UPRT: variants seen among roughly 807,000 people sequenced by gnomAD.
UPRT encodes uracil phosphoribosyltransferase homolog, also known as RP11-311P8.3.
Under a neutral mutation model 22.6 loss-of-function variants are expected in UPRT, and 5 were observed. The ratio of observed to expected loss-of-function variants is 0.22; its 90% CI spans 0.12 to 0.47. The LOEUF (loss-of-function observed/expected upper bound fraction) is 0.47, where lower values mean the gene tolerates loss of function less well. Among genes scored for constraint, UPRT ranks in the 20% least tolerant of loss-of-function variants. UPRT has a pLI of 0.99. For missense variants in UPRT, 181 were observed against 239.9 expected, an observed-to-expected ratio of 0.75 and a Z score of 1.62; for synonymous variants, 77 against 87.7, an observed-to-expected ratio of 0.88 and a Z score of 0.68.
chrX:75,181,703 G>A (rs558078463), intron 4 of UPRT, among the ~76,000 whole-genome samples: 6 of 111,922 alleles, frequency 5.4e-5, no homozygotes, highest in Middle Eastern at 9.2e-3. Flanking sequence ...TTTGTATCAC[G>A]AAACTTTGCT....
intron 3 of UPRT, among the ~76,000 whole-genome samples, chrX:75,165,336 C>G (rs1464963792): frequency 8.9e-6 from 1 of 111,889 alleles, no homozygotes; most frequent in Admixed American, 9.5e-5. Context: ...ATTGAAATAT[C>G]TTTTCCCCTT....
intron 4 of UPRT, among the ~76,000 whole-genome samples, chrX:75,242,660 T>C (rs775600849): frequency 9.0e-6 from 1 of 110,901 alleles, no homozygotes; most frequent in Admixed American, 9.7e-5. Flanking sequence ...AAAATCGAGA[T>C]AACAATAGGT....
At chrX:75,209,625 G>A (rs758883970) in intron 4 of UPRT, among the ~76,000 whole-genome samples, 3 of 112,232 alleles carry the variant, frequency 2.7e-5, no homozygotes, top group African/African-American at 9.7e-5. Flanking sequence ...CACCTGCCTT[G>A]GCCTCCCAAA....
intron 4 of UPRT, among the ~76,000 whole-genome samples, chrX:75,268,159 A>G (rs911055238): frequency 8.9e-6 from 1 of 111,985 alleles, no homozygotes; most frequent in Non-Finnish European, 1.9e-5. Flanking sequence ...AAAATCTAGA[A>G]GAAATGAATA....
At chrX:75,161,530 A>G (rs1004456289) in intron 2 of UPRT, among the ~76,000 whole-genome samples, 2 of 112,700 alleles carry the variant, frequency 1.8e-5, no homozygotes, top group Non-Finnish European at 3.7e-5. Flanking sequence ...GTTTCTTTGC[A>G]TATCATGCAA....
chrX:75,303,360 G>T, intron 6 of UPRT, 45 bp from the exon 7 acceptor site: 2 of 1,019,269 alleles, frequency 2.0e-6, no homozygotes, highest in Non-Finnish European at 2.7e-6. Context: ...ATTACAACTG[G>T]TGTTACCAAA....
At chrX:75,213,250 ATGGTCTTT>A (rs2082384412) in intron 4 of UPRT, among the ~76,000 whole-genome samples, 1 of 112,239 alleles carries the variant, frequency 8.9e-6, no homozygotes, top group Admixed American at 9.5e-5. Flanking sequence ...TAAACATTAA[ATGGTCTTT>A]TAGCATCTGA....
chrX:75,300,788 C>G (rs1158271315), intron 5 of UPRT, 79 bp from the exon 6 acceptor site: 24 of 792,982 alleles, frequency 3.0e-5, no homozygotes, highest in Non-Finnish European at 3.8e-5. Context: ...CCCTGTCCCC[C>G]CTCCCCCAAA....
At chrX:75,200,638 T>C (rs895431486) in intron 4 of UPRT, among the ~76,000 whole-genome samples, 1 of 111,198 alleles carries the variant, frequency 9.0e-6, no homozygotes, top group African/African-American at 3.3e-5. Flanking sequence ...GTCACATCAT[T>C]CTTTTTTTTT....
At chrX:75,205,242 C>T (rs1443528453) in intron 4 of UPRT, among the ~76,000 whole-genome samples, 8 of 108,845 alleles carry the variant, frequency 7.3e-5, no homozygotes, top group African/African-American at 1.3e-4. Flanking sequence ...CGGTGGCGGG[C>T]GCCTGTAGTC....
At chrX:75,267,282 C>T (rs918256431) in intron 4 of UPRT, among the ~76,000 whole-genome samples, 20 of 111,509 alleles carry the variant, frequency 1.8e-4, no homozygotes, top group Middle Eastern at 4.2e-3. Context: ...TGTAGGGACA[C>T]GGATGAAGCT....
At chrX:75,259,923 C>G (rs758447691) in intron 4 of UPRT, among the ~76,000 whole-genome samples, 13 of 112,135 alleles carry the variant, frequency 1.2e-4, no homozygotes, top group Non-Finnish European at 1.9e-4. Flanking sequence ...AGGAACCATA[C>G]AAGCCAGAAG....
intron 4 of UPRT, among the ~76,000 whole-genome samples, chrX:75,259,086 G>C (rs901184516): frequency 6.3e-5 from 7 of 111,303 alleles, no homozygotes; most frequent in African/African-American, 2.3e-4. Context: ...CATCAACAAA[G>C]AGGATATCCA....
chrX:75,199,558 G>A (rs12843700), intron 4 of UPRT, among the ~76,000 whole-genome samples: 1 of 110,667 alleles, frequency 9.0e-6, no homozygotes, highest in African/African-American at 3.3e-5. Flanking sequence ...GAGACTCTGA[G>A]ACTTGCTTGC....
chrX:75,206,951 A>G (rs770078799), intron 4 of UPRT, among the ~76,000 whole-genome samples: 1 of 112,532 alleles, frequency 8.9e-6, no homozygotes, highest in African/African-American at 3.2e-5. Flanking sequence ...GGCGTGAGCC[A>G]CCACACTTGG....
At chrX:75,255,027 G>A (rs770757801) in intron 4 of UPRT, among the ~76,000 whole-genome samples, 23 of 110,272 alleles carry the variant, frequency 2.1e-4, no homozygotes, top group African/African-American at 7.2e-4. Flanking sequence ...CACCCGCCTC[G>A]GCCTCCCAAA....
At chrX:75,265,613 C>T (rs757493159) in intron 4 of UPRT, among the ~76,000 whole-genome samples, 23 of 111,524 alleles carry the variant, frequency 2.1e-4, no homozygotes, top group Non-Finnish European at 3.8e-4. Context: ...AACTTCTTTG[C>T]CATGGGTTCA....
intron 4 of UPRT, among the ~76,000 whole-genome samples, chrX:75,222,143 C>A (rs1330584190): frequency 1.8e-5 from 2 of 112,077 alleles, no homozygotes; most frequent in African/African-American, 3.2e-5. Context: ...GTTTACCAGG[C>A]AGAGACTCTT....
chrX:75,197,324 A>T (rs986492892), intron 4 of UPRT, among the ~76,000 whole-genome samples: 7 of 111,688 alleles, frequency 6.3e-5, no homozygotes, highest in Non-Finnish European at 1.1e-4. Context: ...AAGCTCCAAG[A>T]ATTATGAATT....
Sources: gnomAD v4.1 joint callset for allele counts (sites outside exome capture counted in the v4.1 genomes callset) on GRCh38, gnomAD v4.1.1 for gene constraint, MANE v1.5 for transcripts, NCBI Gene and HGNC (gene_info 2026-07-23, HGNC 2026-07-21) for gene names.